Variants in EHBP1 observed in about 807,000 individuals in gnomAD.
EHBP1 encodes the protein EH domain binding protein 1, also known as EH domain-binding protein 1.
Under a neutral mutation model 144.0 loss-of-function variants are expected in EHBP1, and 55 were observed. The ratio of observed to expected loss-of-function variants is 0.38; its 90% CI spans 0.31 to 0.48. EHBP1 has a LOEUF of 0.48. Among genes scored for constraint, EHBP1 ranks in the 20% least tolerant of loss-of-function variants. EHBP1 has a pLI of 0.98. For synonymous variants in EHBP1, 469 were observed against 472.7 expected, an observed-to-expected ratio of 0.99 and a Z score of 0.10; for missense variants, 1,200 against 1,364.2, an observed-to-expected ratio of 0.88 and a Z score of 1.90.
intron 9 of EHBP1, among the ~76,000 whole-genome samples, chr2:62,870,916 A>T (rs1275275327): frequency 6.6e-6 from 1 of 151,954 alleles, no homozygotes; most frequent in Non-Finnish European, 1.5e-5. Flanking sequence ...AACCTAAAAA[A>T]GTTCTAATCT....
chr2:62,974,731 A>C (rs1260530129), intron 14 of EHBP1, among the ~76,000 whole-genome samples: 1 of 152,208 alleles, frequency 6.6e-6, no homozygotes, highest in East Asian at 1.9e-4. Context: ...CATATCAAAA[A>C]ACATATAGCG....
At chr2:63,038,897 T>G in intron 21 of EHBP1, 81 bp downstream of exon 21, 1 of 1,339,624 alleles carries the variant, frequency 7.5e-7, no homozygotes, top group Non-Finnish European at 1.1e-6. Flanking sequence ...ACTTCTGGTC[T>G]TACTAGATCT....
chr2:62,855,511 T>C (rs1345145102), intron 7 of EHBP1, among the ~76,000 whole-genome samples: 1 of 152,052 alleles, frequency 6.6e-6, no homozygotes, highest in Non-Finnish European at 1.5e-5. Flanking sequence ...AGGGAGGGCC[T>C]GAAGGCTGGG....
intron 15 of EHBP1, among the ~76,000 whole-genome samples, chr2:62,982,433 C>G (rs568350634): frequency 3.3e-5 from 5 of 152,178 alleles, no homozygotes; most frequent in Non-Finnish European, 5.9e-5. Flanking sequence ...TTTGCTCACC[C>G]TTGCATAGCA....
rs1171541834 is a variant in EHBP1 at position 62,828,596 on chromosome 2, A to G, written c.494+2328A>G. On this transcript the variant is annotated intron_variant, in intron 6 of 22. Coordinates refer to ENST00000431489, the MANE Select transcript of EHBP1 (RefSeq NM_001142616.3). Reference sequence around the variant, plus strand: ...TTTGGGCGGTTATGGCCCTGTTGGAAAAACAATATACTTAAGCAAGATTTA... The same window carrying G: ...TTTGGGCGGTTATGGCCCTGTTGGAGAAACAATATACTTAAGCAAGATTTA... Among the ~76,000 whole-genome samples, 3 of 152,148 alleles carry G rather than the reference A, an allele frequency of 2.0e-5. No individual in the cohort carries two copies. The East Asian group carries it at 5.8e-4, about 29-fold the overall frequency.
chr2:62,696,152 C>G (rs1056531853), intron 1 of EHBP1, among the ~76,000 whole-genome samples: 2 of 133,864 alleles, frequency 1.5e-5, no homozygotes, highest in African/African-American at 5.3e-5. Flanking sequence ...TTCTCTCTCT[C>G]TCTCTCTCTC....
chr2:62,932,659 A>G (rs1379073210), intron 10 of EHBP1, among the ~76,000 whole-genome samples: 1 of 152,174 alleles, frequency 6.6e-6, no homozygotes, highest in Admixed American at 6.5e-5. Context: ...CTGCATACTT[A>G]AAAATGGTTA....
At position 62,881,445 on chromosome 2, in the gene EHBP1, A is replaced by C. The variant is rs536942607; in HGVS notation, c.1185+6913A>C. 1.3e-4 allele frequency among the ~76,000 whole-genome samples: 19 copies of C among 149,330 alleles called. No homozygotes were observed. The South Asian group carries it at 3.4e-3, about 27-fold the overall frequency. ...AAAAAAAAAAAAAAAAAAAAGAAGG[A>C]AAGGAAAGGGAAAGGAAGGGGAAGG... On this transcript the variant is annotated intron_variant, in intron 10 of 22. Coordinates refer to ENST00000431489, the MANE Select transcript of EHBP1 (RefSeq NM_001142616.3).
chr2:62,911,930 C>T (rs1401593378), intron 10 of EHBP1, among the ~76,000 whole-genome samples: 1 of 152,092 alleles, frequency 6.6e-6, no homozygotes, highest in Non-Finnish European at 1.5e-5. Context: ...ATACTTTAAA[C>T]GAATCTCCTA....
Position 62,874,388 on chromosome 2 carries a change from T to G in EHBP1, c.1041T>G (p.Asn347Lys). Residue 347 changes from asparagine to lysine, a missense_variant, in exon 10 of 23, where the codon AAT (asparagine) becomes AAG (lysine). By Grantham distance (94) the Asn-to-Lys change is moderately conservative. Around this residue, in one of 6 missense-constraint regions of EHBP1, gnomAD observed 266 missense variants for 262.4 expected, o/e 1.01. Transcript: ENST00000431489. ...AACCTAAATCAACTCCTCCTCCAAATAATTTGGTAAATCCTGTTCAAGAAC... is the reference window on the plus strand; with the variant it reads ...AACCTAAATCAACTCCTCCTCCAAAGAATTTGGTAAATCCTGTTCAAGAAC... ...FYEPKSTPPP[N>K]NLVNPVQELE... The G allele has an allele frequency of 6.2e-7, 1 of 1,609,774 alleles. No individual in the cohort carries two copies. Among genetic ancestry groups the G allele is most frequent in the Non-Finnish European group, 8.5e-7 (1 of 1,178,022 alleles).
intron 2 of EHBP1, among the ~76,000 whole-genome samples, chr2:62,709,825 T>C (rs1028245243): frequency 1.3e-5 from 2 of 152,002 alleles, no homozygotes; most frequent in African/African-American, 4.8e-5. Context: ...AATACCAGAA[T>C]TATTTATACC....
chr2:62,710,180 G>C (rs2035009089), intron 2 of EHBP1, among the ~76,000 whole-genome samples: 1 of 152,018 alleles, frequency 6.6e-6, no homozygotes, highest in South Asian at 2.1e-4. Flanking sequence ...TTTACTATAT[G>C]AGTTCTCAAA....
Position 62,996,677 on chromosome 2 carries a change from G to T in EHBP1, c.3014G>T (p.Gly1005Val), listed in dbSNP as rs150056105. 31 of 1,613,270 alleles carry T rather than the reference G, an allele frequency of 1.9e-5. No homozygotes were observed. Among genetic ancestry groups the T allele is most frequent in the Non-Finnish European group, 2.5e-5 (30 of 1,179,618 alleles). Residue 1005 changes from glycine to valine, a missense_variant, in exon 19 of 23, where the codon GGA becomes GTA. Physicochemically the swap from Gly to Val is moderately radical, Grantham distance 109 (BLOSUM62 -3). Around this residue, in one of 6 missense-constraint regions of EHBP1, gnomAD observed 149 missense variants for 217.0 expected, o/e 0.69. Transcript: ENST00000431489. ...AAAGACACCAGTCAGTATGTAGTAG[G>T]AGAATTGGCAGCACTAGAGAATGAG... ...GFKDTSQYVVGELAALENEQK... is the reference protein window; with the variant it reads ...GFKDTSQYVVVELAALENEQK...
intron 19 of EHBP1, among the ~76,000 whole-genome samples, chr2:63,005,419 G>A (rs1267346447): frequency 6.6e-6 from 1 of 152,064 alleles, no homozygotes; most frequent in Non-Finnish European, 1.5e-5. Context: ...TTACTGAAGT[G>A]TTACCTTCCT....
intron 10 of EHBP1, among the ~76,000 whole-genome samples, chr2:62,919,625 A>G (rs2054906478): frequency 6.6e-6 from 1 of 152,210 alleles, no homozygotes; most frequent in Non-Finnish European, 1.5e-5. Flanking sequence ...CATAAAGCAT[A>G]CAAACAAACA....
At chr2:62,932,177 A>C (rs2056052084) in intron 10 of EHBP1, among the ~76,000 whole-genome samples, 1 of 144,416 alleles carries the variant, frequency 6.9e-6, no homozygotes, top group African/African-American at 2.5e-5. Flanking sequence ...ACGGCATCTA[A>C]AAAAAAAAAA....
rs1296312521 is a variant in EHBP1, at chr2:62,948,373, G to T, written c.1527G>T (p.Arg509Ser). The part of the protein sequence containing the change: ...LTVMTYLYQI[R>S]AHFSGQELNV... ...TTATGACTTATCTCTATCAAATAAG[G>T]GCACATTTCAGTGGCCAAGAACTAA... The change falls in exon 13 of 23, where the codon AGG (arginine) becomes AGT (serine). Residue 509 changes from arginine (R) to serine (S), a missense_variant. Arg to Ser is a moderately radical substitution (Grantham distance 110). Around this residue, in one of 6 missense-constraint regions of EHBP1, gnomAD observed 94 missense variants for 143.0 expected, o/e 0.66. Transcript: ENST00000431489. The T allele has an allele frequency of 6.2e-7, 1 of 1,613,642 alleles. No individual in the cohort carries two copies. Among genetic ancestry groups the T allele is most frequent in the Non-Finnish European group, 8.5e-7 (1 of 1,179,918 alleles).
At position 62,885,468 on chromosome 2, in the gene EHBP1, T is replaced by G. The variant is rs139663834; in HGVS notation, c.1185+10936T>G. On this transcript the variant is annotated intron_variant, in intron 10 of 22. Transcript: ENST00000431489. ...TGACATTAAACATGTAACCATCCAG[T>G]AAAATAAGTTAGTTCCAATGATGGC... Among the ~76,000 whole-genome samples the G allele has an allele frequency of 4.7e-4, 72 of 152,188 alleles. 1 individual carries two copies. The highest frequency in any genetic ancestry group is 1.5e-3 in the African/African-American group (64 of 41,538).
intron 5 of EHBP1, among the ~76,000 whole-genome samples, chr2:62,818,555 A>G (rs562192207): frequency 4.6e-5 from 7 of 152,272 alleles, no homozygotes; most frequent in South Asian, 2.1e-4. Flanking sequence ...CTCAGAACGT[A>G]TCCCTGTCAT....
Sources: allele counts gnomAD v4.1 joint callset (sites outside exome capture counted in the v4.1 genomes callset), GRCh38; gene constraint gnomAD v4.1.1; regional missense constraint gnomAD v4.1.1; transcripts MANE v1.5; gene names NCBI Gene and HGNC (gene_info 2026-07-23, HGNC 2026-07-21).